Variants in CIAO3 observed in about 807,000 individuals in gnomAD.
The protein encoded by CIAO3 is cytosolic iron-sulfur assembly component 3, also known as LET1 like/JFP15.
CIAO3 carries 45 observed loss-of-function variants against 51.5 expected under a neutral mutation model. That is an observed-to-expected ratio of 0.87 (90% CI 0.69 to 1.12). The LOEUF (loss-of-function observed/expected upper bound fraction) is 1.12, where lower values mean the gene tolerates loss of function less well. Among genes scored for constraint, CIAO3 ranks in the 50% most tolerant of loss-of-function variants. CIAO3 has a pLI of 0.00. For synonymous variants in CIAO3, 314 were observed against 269.3 expected, an observed-to-expected ratio of 1.17 and a Z score of -1.63; for missense variants, 668 against 632.5, an observed-to-expected ratio of 1.06 and a Z score of -0.60.
rs776989264 is a variant in CIAO3, at chr16:732,367, ACTT to A, written c.827_829del (p.Glu276del). 29 of 1,612,674 alleles carry A rather than the reference ACTT, an allele frequency of 1.8e-5. No individual in the cohort carries two copies. Among genetic ancestry groups the A allele is most frequent in the Non-Finnish European group, 2.5e-5 (29 of 1,179,864 alleles). ...GCCCTCTTCCTCCAGCAACCTGAAA[ACTT>A]CTCCTGCAAAGAAGCCACAGCGCAG... is the stretch of plus-strand genomic sequence containing the variant. On this transcript the variant is annotated inframe_deletion, in exon 8 of 11. Coordinates refer to ENST00000251588, the MANE Select transcript of CIAO3 (RefSeq NM_022493.3).
At chr16:730,797 C>T in intron 10 of CIAO3, 46 bp downstream of exon 10, 4 of 1,603,944 alleles carry the variant, frequency 2.5e-6, no homozygotes, top group East Asian at 4.5e-5. Context: ...GCCCACAGCT[C>T]TGCTCCCAGA....
In CIAO3 at chr16:731,178, G is replaced by A. The variant is rs1016362937; in HGVS notation, c.1035-178C>T. 29 of 810,398 alleles carry A rather than the reference G, an allele frequency of 3.6e-5. No homozygotes were observed. The East Asian group carries it at 7.6e-4, about 21-fold the overall frequency. The allele number at this position is 810,398 out of a possible 1,614,324, so 50.2% of individuals were successfully genotyped here. On this transcript the variant is annotated intron_variant, in intron 9 of 10. Transcript: ENST00000251588. ...GAGAGGGTGGAAGGCTCACTTCCTT[G>A]AGTCCAGCAGGGGACCTCACCTCCA...
In CIAO3 at chr16:729,821, C is replaced by G; in HGVS notation, c.*596G>C. ...CGCTGGGAGACAGGCCTGGTGGGGA[C>G]CTGGCTGGGGGATGATGCAGCCCGC... On this transcript the variant is annotated 3_prime_UTR_variant, in exon 11 of 11. Transcript: ENST00000251588. The G allele has an allele frequency of 1.2e-6, 1 of 863,514 alleles. No homozygotes were observed. Among genetic ancestry groups the G allele is most frequent in the South Asian group, 1.8e-5 (1 of 56,490 alleles). 53.5% of individuals were successfully genotyped at this position (863,514 alleles called of 1,614,324 possible).
At chr16:732,465 G>T (rs766154790) in intron 7 of CIAO3, 92 bp from the exon 8 acceptor site, 3 of 1,462,156 alleles carry the variant, frequency 2.1e-6, no homozygotes, top group Non-Finnish European at 2.9e-6. Context: ...CCAGCAGTCT[G>T]CACTTTGGCC....
chr16:735,302 A>C, intron 4 of CIAO3: 2 of 167,264 alleles, frequency 1.2e-5, no homozygotes, highest in Admixed American at 5.8e-5. Context: ...CCCCTCACAC[A>C]CAGCAGGACT....
In CIAO3 at chr16:731,677, G is replaced by A. The variant is rs989464231; in HGVS notation, c.922C>T (p.Pro308Ser). Reference sequence around the variant, plus strand: ...GAGCCCCCTCCCCGATGGCTGGTGGGCTCCTCTGCAGAGGCACCGCTGCAC... The same window carrying A: ...GAGCCCCCTCCCCGATGGCTGGTGGACTCCTCTGCAGAGGCACCGCTGCAC... ...SLCSGASAEE[P>S]TSHRGGGSGG... Residue 308 changes from proline to serine, a missense_variant, in exon 9 of 11, where the codon CCC (proline) becomes TCC (serine). By Grantham distance (74) the Pro-to-Ser change is moderately conservative (BLOSUM62 -1). Coordinates refer to ENST00000251588, the MANE Select transcript of CIAO3 (RefSeq NM_022493.3). 1.3e-6 allele frequency: 2 copies of A among 1,557,960 alleles called. No homozygotes were observed. The highest frequency in any genetic ancestry group is 3.8e-5 in the Admixed American group (2 of 52,794).
rs1183022308 is a variant in CIAO3, at chr16:730,862, C to T, written c.1173G>A (p.Glu391=). The stretch of plus-strand genomic sequence containing the variant: ...AGCTACCTGAGGGGCAGGCCATGAC[C>T]TCCACGTAGTGGTAGGGGCAGCGCC... ...KRGRCPYHYV[E]VMACPSGCLN... Residue 391 remains glutamate, a synonymous_variant, in exon 10 of 11, where the codon GAG becomes GAA. Transcript: ENST00000251588. 5 of 1,612,848 alleles carry T rather than the reference C, an allele frequency of 3.1e-6. No individual in the cohort carries two copies. The highest frequency in any genetic ancestry group is 3.4e-6 in the Non-Finnish European group (4 of 1,179,994).
At chr16:735,446 C>T (rs1290956409) in intron 4 of CIAO3, 5 of 152,766 alleles carry the variant, frequency 3.3e-5, no homozygotes, top group Admixed American at 2.6e-4. Context: ...ATTCCTCCCT[C>T]GCGTAACCCG....
chr16:739,731 A>G lies in CIAO3; in HGVS notation c.74T>C (p.Ile25Thr), dbSNP rs1311258919. The G allele has an allele frequency of 6.2e-6, 10 of 1,613,782 alleles. No individual in the cohort carries two copies. Among genetic ancestry groups the G allele is most frequent in the African/African-American group, 1.3e-5 (1 of 74,896 alleles). ...CCTTTTTTCCACTTTGACAGGCTTG[A>G]TGCACTCCTAGAGCAGGAAGAGACC... ...DDFIGPSQEC[I>T]KPVKVEKRAG... Residue 25 changes from isoleucine to threonine, a missense_variant, in exon 2 of 11, where the codon ATC becomes ACC. Coordinates refer to ENST00000251588, the MANE Select transcript of CIAO3 (RefSeq NM_022493.3).
At chr16:739,399 A>G in intron 2 of CIAO3, 1 of 564,424 alleles carries the variant, frequency 1.8e-6, no homozygotes, top group Non-Finnish European at 3.2e-6. Context: ...GACAGGATCC[A>G]CCATCTCTGC....
Position 737,508 on chromosome 16 carries a change from T to A in CIAO3, c.163-179A>T. 1 of 1,523,192 alleles carries A rather than the reference T, an allele frequency of 6.6e-7. No homozygotes were observed. The highest frequency in any genetic ancestry group is 8.8e-7 in the Non-Finnish European group (1 of 1,139,122). The allele number at this position is 1,523,192 out of a possible 1,614,324, so 94.4% of individuals were successfully genotyped here. A position where few individuals can be genotyped will look rare whatever the true frequency, so the allele number is the denominator to read the frequency against. On this transcript the variant is annotated intron_variant, in intron 2 of 10. Transcript: ENST00000251588. The surrounding 1 kb of genome is among the most constrained non-coding windows in gnomAD (Gnocchi z 5.3). Reference sequence around the variant, plus strand: ...AAAATGCACACGCACGCTCTACAGTTTCATAATGCCGTCAAGTCTGCTTCT... The same window carrying A: ...AAAATGCACACGCACGCTCTACAGTATCATAATGCCGTCAAGTCTGCTTCT...
intron 6 of CIAO3, chr16:733,916 C>T (rs930652124): frequency 2.7e-5 from 11 of 412,910 alleles, no homozygotes; most frequent in South Asian, 8.6e-5. Flanking sequence ...AGGTGGGGGT[C>T]GTGCTGGGCA....
intron 3 of CIAO3, 101 bp from the exon 4 acceptor site, chr16:736,499 G>A (rs376089511): frequency 1.4e-6 from 2 of 1,429,366 alleles, no homozygotes; most frequent in African/African-American, 1.4e-5. Flanking sequence ...GGAGAGGGCA[G>A]GCCAGCTCCA....
chr16:731,499 A>G (rs572954672), intron 9 of CIAO3, 66 bp downstream of exon 9: 3 of 1,470,624 alleles, frequency 2.0e-6, no homozygotes, highest in African/African-American at 1.4e-5. Context: ...CAGGGGAGGC[A>G]GCAGCCCGAG....
chr16:738,682 C>T (rs138116468), intron 2 of CIAO3, among the ~76,000 whole-genome samples: 9 of 151,050 alleles, frequency 6.0e-5, no homozygotes, highest in Admixed American at 4.6e-4. Context: ...GATGGAGTCT[C>T]TGTCTCTCAG....
In CIAO3 at chr16:735,075, G is replaced by A. The variant is rs117432183; in HGVS notation, c.440-204C>T. 7 of 617,534 alleles carry A rather than the reference G, an allele frequency of 1.1e-5. No homozygotes were observed. The East Asian group carries it at 2.1e-4, about 19-fold the overall frequency. 38.3% of individuals were successfully genotyped at this position (617,534 alleles called of 1,614,324 possible). On this transcript the variant is annotated intron_variant, in intron 4 of 10. Transcript: ENST00000251588. ...CACTGTGGGGACCTCCTAAAGCCAC[G>A]TTGCCTCGGCATCCCCTGTGAACCC...
rs2041381743 is a variant in CIAO3 at position 740,736 on chromosome 16, G to T, written c.66+184C>A. The T allele has an allele frequency of 5.3e-6, 3 of 568,276 alleles. No individual in the cohort carries two copies. The East Asian group carries it at 1.0e-4, about 19-fold the overall frequency. 35.2% of individuals were successfully genotyped at this position (568,276 alleles called of 1,614,324 possible). ...CTCCCTGGCCTCAGTTTCCTTGTTGGTAAGAAGCGGGCCTCAGTGTCTGAG... is the reference window on the plus strand; with the variant it reads ...CTCCCTGGCCTCAGTTTCCTTGTTGTTAAGAAGCGGGCCTCAGTGTCTGAG... On this transcript the variant is annotated intron_variant, in intron 1 of 10. Coordinates refer to ENST00000251588, the MANE Select transcript of CIAO3 (RefSeq NM_022493.3).
rs142356029 is a variant in CIAO3 at position 730,053 on chromosome 16, C to G, written c.*364G>C. The stretch of plus-strand genomic sequence containing the variant: ...AAGTCAGGGGTGAGAACCCGTCTTG[C>G]TCTGCCTCAGGCAACCCCGGGACAG... On this transcript the variant is annotated 3_prime_UTR_variant, in exon 11 of 11. Transcript: ENST00000251588. The G allele has an allele frequency of 7.5e-6, 3 of 398,720 alleles. No homozygotes were observed. The highest frequency in any genetic ancestry group is 6.1e-5 in the African/African-American group (3 of 48,896). 24.7% of individuals were successfully genotyped at this position (398,720 alleles called of 1,614,324 possible).
chr16:731,082 CAG>C, intron 9 of CIAO3, 82 bp from the exon 10 acceptor site: 2 of 1,557,856 alleles, frequency 1.3e-6, no homozygotes, highest in Non-Finnish European at 1.7e-6. Context: ...TGCTGGGCTT[CAG>C]GGGATGACCG....
Sources: allele counts gnomAD v4.1 joint callset (sites outside exome capture counted in the v4.1 genomes callset), GRCh38; gene constraint gnomAD v4.1.1; non-coding constraint Gnocchi (gnomAD v3.1); transcripts MANE v1.5; gene names NCBI Gene and HGNC (gene_info 2026-07-23, HGNC 2026-07-21).